The following SPATS2L variants were observed in gnomAD, a reference collection of about 807,000 sequenced individuals.
SPATS2L encodes the protein spermatogenesis associated serine rich 2 like, also known as SPATS2-like protein.
SPATS2L carries 30 observed loss-of-function variants against 59.6 expected under a neutral mutation model. The ratio of observed to expected loss-of-function variants is 0.50; its 90% confidence interval spans 0.38 to 0.68. SPATS2L has a LOEUF of 0.68. Among genes scored for constraint, SPATS2L ranks in the 30% least tolerant of loss-of-function variants. The probability of loss-of-function intolerance (pLI) is 0.00; values close to 1 mark genes in which losing one functional copy is unlikely to be tolerated. For missense variants in SPATS2L, 615 were observed against 700.0 expected (o/e 0.88, Z 1.37); for synonymous variants, 252 against 263.5 (o/e 0.96, Z 0.42).
intron 2 of SPATS2L, among the ~76,000 whole-genome samples, chr2:200,376,497 A>G (rs1358195232): frequency 6.6e-6 from 1 of 152,176 alleles, no homozygotes; most frequent in African/African-American, 2.4e-5. Context: ...TAATTTTTAG[A>G]TTGTTCCCTT....
chr2:200,442,459 AG>A (rs2084764215), intron 8 of SPATS2L, among the ~76,000 whole-genome samples: 1 of 152,170 alleles, frequency 6.6e-6, no homozygotes, highest in Non-Finnish European at 1.5e-5. Flanking sequence ...ATAATCAAAA[AG>A]GCTGTGGGCC....
At chr2:200,373,239 A>T (rs2081486071) in intron 2 of SPATS2L, 1 of 149,044 alleles carries the variant, frequency 6.7e-6, no homozygotes, top group Non-Finnish European at 1.5e-5. Context: ...GTTGGCATAT[A>T]ATCCCCCTGT....
At position 200,306,709 on chromosome 2, in the gene SPATS2L, G is replaced by A. The variant is rs1321227841; in HGVS notation, c.-286G>A. Reference sequence around the variant, plus strand: ...CCGAGCCGGAGTTGTGTCAGTGAAGGAATCCAGTCCGGGGGCCGAGCTGGC... The same window carrying A: ...CCGAGCCGGAGTTGTGTCAGTGAAGAAATCCAGTCCGGGGGCCGAGCTGGC... On this transcript the variant is annotated 5_prime_UTR_variant, in exon 1 of 13. Coordinates refer to ENST00000409140, the MANE Select transcript of SPATS2L (RefSeq NM_001100423.2). 2 of 984,026 alleles carry A rather than the reference G, an allele frequency of 2.0e-6. No individual in the cohort carries two copies. Among genetic ancestry groups the A allele is most frequent in the Non-Finnish European group, 2.4e-6 (2 of 829,482 alleles). The allele number at this position is 984,026 out of a possible 1,614,324, so 61.0% of individuals were successfully genotyped here.
intron 3 of SPATS2L, among the ~76,000 whole-genome samples, chr2:200,392,305 C>G (rs930980025): frequency 1.3e-5 from 2 of 152,076 alleles, no homozygotes; most frequent in African/African-American, 2.4e-5. Context: ...GCAGTCATGC[C>G]TATGTAACGA....
intron 2 of SPATS2L, among the ~76,000 whole-genome samples, chr2:200,357,072 A>G (rs1267894607): frequency 6.6e-6 from 1 of 152,228 alleles, no homozygotes; most frequent in Non-Finnish European, 1.5e-5. Flanking sequence ...GTTACTTTCA[A>G]GGATCTAGAT....
At chr2:200,415,016 T>A (rs3769448) in intron 4 of SPATS2L, among the ~76,000 whole-genome samples, 134,700 of 152,202 alleles carry the variant, frequency 0.89, 60,557 homozygotes, top group Non-Finnish European at 0.96. Flanking sequence ...TATAAGTAAG[T>A]ACTGCCCTAA....
intron 4 of SPATS2L, among the ~76,000 whole-genome samples, chr2:200,413,412 C>T (rs932753722): frequency 2.4e-4 from 36 of 152,118 alleles, no homozygotes; most frequent in African/African-American, 6.3e-4. Flanking sequence ...TAATTTACAA[C>T]GTAATGCTTT....
chr2:200,307,642 C>T (rs961225174), intron 1 of SPATS2L, among the ~76,000 whole-genome samples: 6 of 152,210 alleles, frequency 3.9e-5, no homozygotes, highest in African/African-American at 1.2e-4. Flanking sequence ...GATGCGCTCG[C>T]GCTGGACGCC....
intron 3 of SPATS2L, among the ~76,000 whole-genome samples, chr2:200,397,617 G>A (rs1208679104): frequency 6.6e-6 from 1 of 151,560 alleles, no homozygotes; most frequent in Non-Finnish European, 1.5e-5. Flanking sequence ...TGATTTATTT[G>A]TGTACTTATC....
chr2:200,400,908 A>G lies in SPATS2L; in HGVS notation c.40-11403A>G, dbSNP rs372402826. 3.8e-4 allele frequency among the ~76,000 whole-genome samples: 58 copies of G among 152,364 alleles called. No individual in the cohort carries two copies. The East Asian group carries it at 0.01, about 26-fold the overall frequency. Reference sequence around the variant, plus strand: ...GTTGTTGATTTCATTATCTTTAACTATTTGAAGCCAACTGTATTTTTCAAA... The same window carrying G: ...GTTGTTGATTTCATTATCTTTAACTGTTTGAAGCCAACTGTATTTTTCAAA... On this transcript the variant is annotated intron_variant, in intron 3 of 12. Coordinates refer to ENST00000409140, the MANE Select transcript of SPATS2L (RefSeq NM_001100423.2).
In SPATS2L at chr2:200,478,996, T is replaced by G. The variant is rs1295759204; in HGVS notation, c.*965T>G. 6.6e-6 allele frequency: 1 copy of G among 152,358 alleles called. No individual in the cohort carries two copies. The highest frequency in any genetic ancestry group is 1.9e-4 in the East Asian group (1 of 5,188). The allele number at this position is 152,358 out of a possible 1,614,324, so 9.4% of individuals were successfully genotyped here. A position where few individuals can be genotyped will look rare whatever the true frequency, so the allele number is the denominator to read the frequency against. ...TCGGCTCACTGCAACCTCCGCCTCCTGGGTTCAAGCCATTCTCCTGCCCGG... is the reference window on the plus strand; with the variant it reads ...TCGGCTCACTGCAACCTCCGCCTCCGGGGTTCAAGCCATTCTCCTGCCCGG... On this transcript the variant is annotated 3_prime_UTR_variant, in exon 13 of 13. Transcript: ENST00000409140.
At chr2:200,469,828 C>T (rs998207805) in intron 10 of SPATS2L, 86 bp from the exon 11 acceptor site, 18 of 1,004,948 alleles carry the variant, frequency 1.8e-5, no homozygotes, top group African/African-American at 1.1e-4. Flanking sequence ...CAGTGGACAC[C>T]GGAAGAGCAG....
rs1276288235 is a variant in SPATS2L at position 200,450,957 on chromosome 2, T to C, written c.789-8812T>C. ...TGGAGAAGGAAGAAAGAAGATTCCA[T>C]GCAGAAGAAGCAACACAAAGAACCA... On this transcript the variant is annotated intron_variant, in intron 8 of 12. Transcript: ENST00000409140. 2.0e-5 allele frequency among the ~76,000 whole-genome samples: 3 copies of C among 152,102 alleles called. No individual in the cohort carries two copies. In the East Asian group the frequency reaches 5.8e-4, roughly 29 times the overall value.
intron 1 of SPATS2L, among the ~76,000 whole-genome samples, chr2:200,312,030 T>C (rs1173007259): frequency 6.6e-6 from 1 of 152,092 alleles, no homozygotes; most frequent in Non-Finnish European, 1.5e-5. Flanking sequence ...CAGCTAGGAG[T>C]CTTCTGAGCA....
At chr2:200,329,563 G>A in intron 2 of SPATS2L, 83 bp downstream of exon 2, 1 of 1,250,788 alleles carries the variant, frequency 8.0e-7, no homozygotes, top group Non-Finnish European at 1.1e-6. Flanking sequence ...CTGCCTCCTG[G>A]GAGCCTTGTC....
At position 200,412,400 on chromosome 2, in the gene SPATS2L, C is replaced by A; in HGVS notation, c.129C>A (p.Ala43=). 2 of 1,600,560 alleles carry A rather than the reference C, an allele frequency of 1.2e-6. No individual in the cohort carries two copies. Among genetic ancestry groups the A allele is most frequent in the African/African-American group, 1.3e-5 (1 of 74,260 alleles). The change falls in exon 4 of 13, where the codon GCC becomes GCA. Residue 43 remains alanine, a synonymous_variant. Coordinates refer to ENST00000409140, the MANE Select transcript of SPATS2L (RefSeq NM_001100423.2). ...LQQFDFNVDK[A]VQAFVDGSAI... ...AGTTTGATTTTAATGTGGATAAAGC[C>A]GTGCAAGCCTTTGTGGATGGTAGGT...
intron 8 of SPATS2L, among the ~76,000 whole-genome samples, chr2:200,454,216 T>C (rs1046596480): frequency 6.6e-6 from 1 of 152,176 alleles, no homozygotes; most frequent in Non-Finnish European, 1.5e-5. Flanking sequence ...ACAGATTGAG[T>C]TCTTCACCTC....
chr2:200,450,241 C>G (rs12471202), intron 8 of SPATS2L, among the ~76,000 whole-genome samples: 4,770 of 152,236 alleles, frequency 0.031, 137 homozygotes, highest in East Asian at 0.11. Flanking sequence ...ACTAGCCTGG[C>G]CCATAAGAGA....
At chr2:200,341,603 AG>A (rs1221804812) in intron 2 of SPATS2L, among the ~76,000 whole-genome samples, 1 of 152,120 alleles carries the variant, frequency 6.6e-6, no homozygotes, top group Non-Finnish European at 1.5e-5. Flanking sequence ...TTGAAACCAC[AG>A]GAAGACCTCA....
Sources: allele counts gnomAD v4.1 joint callset (sites outside exome capture counted in the v4.1 genomes callset), GRCh38; gene constraint gnomAD v4.1.1; transcripts MANE v1.5; gene names NCBI Gene and HGNC (gene_info 2026-07-23, HGNC 2026-07-21).